The following ANKRD18B variants were observed in gnomAD, a reference collection of about 807,000 sequenced individuals.
The protein encoded by ANKRD18B is ankyrin repeat domain 18B, also known as ankyrin repeat domain-containing protein 18B.
In ANKRD18B, 75 loss-of-function variants were observed where a neutral mutation model predicts 111.8. The ratio of observed to expected loss-of-function variants is 0.67; its 90% CI spans 0.56 to 0.81. The LOEUF (loss-of-function observed/expected upper bound fraction) is 0.81, where lower values mean the gene tolerates loss of function less well. Ranked by LOEUF, ANKRD18B falls within the 40% of genes least tolerant of loss-of-function variation. ANKRD18B has a pLI of 0.00. For synonymous variants in ANKRD18B, 356 were observed against 417.3 expected (o/e 0.85, Z 1.79); for missense variants, 1,038 against 1,225.5 (o/e 0.85, Z 2.28).
downstream of ANKRD18B, chr9:33,573,277 C>T: frequency 2.0e-6 from 2 of 985,310 alleles, no homozygotes; most frequent in South Asian, 4.7e-5. Context: ...ACCACTGTCG[C>T]ATCCACTGAG....
At chr9:33,553,116 T>G (rs554103276) in intron 12 of ANKRD18B, among the ~76,000 whole-genome samples, 8,954 of 150,514 alleles carry the variant, frequency 0.059, 329 homozygotes, top group South Asian at 0.099. Flanking sequence ...ATTCTAGCAC[T>G]TGGGGAAGCT....
chr9:33,557,822 A>T (rs1382122116), intron 13 of ANKRD18B, among the ~76,000 whole-genome samples: 3 of 152,006 alleles, frequency 2.0e-5, no homozygotes, highest in African/African-American at 4.8e-5. Context: ...CAAAAAAAAA[A>T]CTGTATGGCT....
intron 3 of ANKRD18B, 53 bp downstream of exon 3, chr9:33,529,226 G>A: frequency 6.6e-7 from 1 of 1,517,148 alleles, no homozygotes; most frequent in South Asian, 1.3e-5. Context: ...ATTGACATAG[G>A]TAAGAGTCAA....
chr9:33,535,773 C>T (rs28444143), intron 5 of ANKRD18B, among the ~76,000 whole-genome samples: 13,036 of 130,228 alleles, frequency 0.1, 596 homozygotes, highest in South Asian at 0.11. Context: ...TTTATATTAT[C>T]ATTATAAATA....
chr9:33,570,844 G>T (rs545623999), intron 17 of ANKRD18B, among the ~76,000 whole-genome samples: 11 of 152,076 alleles, frequency 7.2e-5, no homozygotes, highest in African/African-American at 2.7e-4. Flanking sequence ...CATCATGTTG[G>T]CCAGGATGGT....
At chr9:33,572,285 A>G (rs1828791117) in intron 18 of ANKRD18B, 31 bp from the exon 19 acceptor site, 1 of 1,547,066 alleles carries the variant, frequency 6.5e-7, no homozygotes, top group African/African-American at 1.4e-5. Flanking sequence ...TGTTTTAGGT[A>G]AAGAACATAA....
In ANKRD18B at chr9:33,547,995, A is replaced by G. The variant is rs1828385538; in HGVS notation, c.1207A>G (p.Arg403Gly). 2.0e-6 allele frequency: 3 copies of G among 1,488,318 alleles called. No individual in the cohort carries two copies. The highest frequency in any genetic ancestry group is 2.7e-6 in the Non-Finnish European group (3 of 1,121,166). 92.2% of individuals were successfully genotyped at this position (1,488,318 alleles called of 1,614,324 possible). ...DEMFGNFMLKRDIAMLKEELY... is the reference protein window; with the variant it reads ...DEMFGNFMLKGDIAMLKEELY... ...GATGTTTGGAAATTTTATGTTGAAG[A>G]GAGACATTGCCATGCTCAAAGAGGA... The change falls in exon 11 of 19, where the codon AGA (arginine) becomes GGA (glycine). Residue 403 changes from arginine to glycine, a missense_variant. Transcript: ENST00000684830.
Position 33,567,160 on chromosome 9 carries a change from C to G in ANKRD18B, c.2800C>G (p.Leu934Val). ...GTTAAACAAGGATAATACGGCTTCA[C>G]TAAAAAAGAAGGAACTCACACTTAA... ...EQLNKDNTAS[L>V]KKKELTLKDV... Residue 934 changes from leucine to valine, a missense_variant, in exon 16 of 19, where the codon CTA (leucine) becomes GTA (valine). Leu to Val is a conservative substitution (Grantham distance 32, BLOSUM62 1). Coordinates refer to ENST00000684830, the MANE Select transcript of ANKRD18B (RefSeq NM_001393611.1). 1 of 1,547,790 alleles carries G rather than the reference C, an allele frequency of 6.5e-7. No individual in the cohort carries two copies. Among genetic ancestry groups the G allele is most frequent in the Non-Finnish European group, 8.7e-7 (1 of 1,145,872 alleles).
rs1262044399 is a variant in ANKRD18B, at chr9:33,555,690, T to C, written c.2218-18T>C. 5.9e-6 allele frequency: 8 copies of C among 1,354,540 alleles called. No homozygotes were observed. The highest frequency in any genetic ancestry group is 3.8e-4 in the Middle Eastern group (2 of 5,234). 83.9% of individuals were successfully genotyped at this position (1,354,540 alleles called of 1,614,324 possible). ...TCTCTAGATTTTACAAAAATAATTT[T>C]AAACACTTTTTTTCAAGCCTGAAGA... On this transcript the variant is annotated intron_variant, in intron 12 of 18. Transcript: ENST00000684830.
At position 33,548,222 on chromosome 9, in the gene ANKRD18B, G is replaced by T. The variant is rs567881274; in HGVS notation, c.1434G>T (p.Lys478Asn). 1.2e-5 allele frequency: 19 copies of T among 1,550,908 alleles called. No individual in the cohort carries two copies. The African/African-American group carries it at 1.5e-4, about 12-fold the overall frequency. The change falls in exon 11 of 19, where the codon AAG (lysine) becomes AAT (asparagine). Residue 478 changes from lysine to asparagine, a missense_variant. Coordinates refer to ENST00000684830, the MANE Select transcript of ANKRD18B (RefSeq NM_001393611.1). ...CAAGGCTGAATTCAAAATTGGAGAA[G>T]GAAAAACACAACAAAGAAAGACTAG... is the stretch of plus-strand genomic sequence containing the variant. ...ENARLNSKLE[K>N]EKHNKERLEA...
chr9:33,526,675 T>C (rs544928137), intron 1 of ANKRD18B, among the ~76,000 whole-genome samples: 5 of 152,282 alleles, frequency 3.3e-5, no homozygotes, highest in Admixed American at 6.5e-5. Context: ...GTTGTTATCT[T>C]GTTTGAACTT....
intron 5 of ANKRD18B, among the ~76,000 whole-genome samples, chr9:33,536,607 C>T (rs1053291253): frequency 5.9e-5 from 9 of 152,184 alleles, no homozygotes; most frequent in Admixed American, 1.3e-4. Flanking sequence ...CGAGGACTTA[C>T]TGTGAATGCA....
chr9:33,528,944 A>G, intron 2 of ANKRD18B, 56 bp from the exon 3 acceptor site: 1 of 1,597,358 alleles, frequency 6.3e-7, no homozygotes, highest in Non-Finnish European at 8.5e-7. Flanking sequence ...AACCTGTGGA[A>G]TATGTATTTT....
chr9:33,567,344 G>A (rs2118135235), intron 16 of ANKRD18B, 30 bp downstream of exon 16: 1 of 1,507,880 alleles, frequency 6.6e-7, no homozygotes, highest in African/African-American at 1.4e-5. Context: ...CATAGAAAAT[G>A]AATTAAACTC....
At chr9:33,572,073 C>G (rs888335366) in intron 18 of ANKRD18B, 4 of 498,344 alleles carry the variant, frequency 8.0e-6, no homozygotes, top group Admixed American at 3.6e-5. Flanking sequence ...AGTGCTGGCT[C>G]TAGTACCTTA....
intron 13 of ANKRD18B, 125 bp from the exon 14 acceptor site, chr9:33,557,933 A>G (rs1172484435): frequency 5.6e-6 from 5 of 888,596 alleles, no homozygotes; most frequent in Non-Finnish European, 6.6e-6. Context: ...TGTTCAGTTG[A>G]AACTGAGAGG....
At chr9:33,568,534 C>T (rs1828720107) in intron 16 of ANKRD18B, 137 bp from the exon 17 acceptor site, 1 of 697,944 alleles carries the variant, frequency 1.4e-6, no homozygotes, top group Admixed American at 3.2e-5. Flanking sequence ...GGTATGCTCT[C>T]ACACATCTTC....
chr9:33,529,291 A>C, intron 3 of ANKRD18B, 118 bp downstream of exon 3: 1 of 1,365,378 alleles, frequency 7.3e-7, no homozygotes, highest in Non-Finnish European at 9.7e-7. Flanking sequence ...GAAATAACTT[A>C]ATTGTCTAAA....
intron 16 of ANKRD18B, among the ~76,000 whole-genome samples, chr9:33,568,433 T>C (rs1246525970): frequency 6.6e-6 from 1 of 152,244 alleles, no homozygotes; most frequent in African/African-American, 2.4e-5. Flanking sequence ...TTCTCTTCCC[T>C]GTCTACTTTG....
Sources: gnomAD v4.1 joint callset for allele counts (sites outside exome capture counted in the v4.1 genomes callset) on GRCh38, gnomAD v4.1.1 for gene constraint, MANE v1.5 for transcripts, NCBI Gene and HGNC (gene_info 2026-07-23, HGNC 2026-07-21) for gene names.